Variants in PTN observed in about 807,000 individuals in gnomAD.
The protein encoded by PTN is pleiotrophin, also known as heparin affin regulatory protein.
In PTN, 18 loss-of-function variants were observed where a neutral mutation model predicts 24.1. The ratio of observed to expected loss-of-function variants is 0.75; its 90% CI spans 0.52 to 1.11. PTN has a LOEUF of 1.11. Ranked by LOEUF, PTN falls within the 50% of genes least tolerant of loss-of-function variation. PTN has a pLI of 0.00. For missense variants in PTN, 163 were observed against 198.8 expected (o/e 0.82, Z 1.08); for synonymous variants, 78 against 68.6 (o/e 1.14, Z -0.67).
intron 1 of PTN, among the ~76,000 whole-genome samples, chr7:137,266,996 G>A (rs34033911): frequency 1.3e-5 from 2 of 150,726 alleles, no homozygotes; most frequent in East Asian, 2.0e-4. Flanking sequence ...TTCCGGATAC[G>A]CCCTTGTTTA....
chr7:137,265,918 G>A (rs1809135170), intron 1 of PTN, among the ~76,000 whole-genome samples: 1 of 151,838 alleles, frequency 6.6e-6, no homozygotes. Context: ...TTAGTTTTTA[G>A]ACCAAAGAAA....
intron 1 of PTN, among the ~76,000 whole-genome samples, chr7:137,275,444 G>T (rs1331224263): frequency 6.6e-6 from 1 of 152,146 alleles, no homozygotes; most frequent in Non-Finnish European, 1.5e-5. Flanking sequence ...GGGAGATACA[G>T]ATGGGAATTA....
intron 1 of PTN, among the ~76,000 whole-genome samples, chr7:137,282,198 T>C (rs747993571): frequency 1.3e-5 from 2 of 152,232 alleles, no homozygotes; most frequent in Admixed American, 6.5e-5. Context: ...GTCATAACAT[T>C]AACTGTGTGG....
intron 1 of PTN, among the ~76,000 whole-genome samples, chr7:137,339,749 G>A (rs1320277957): frequency 2.0e-5 from 3 of 152,034 alleles, no homozygotes; most frequent in Admixed American, 6.6e-5. Flanking sequence ...TGGGCAAGAC[G>A]TTCTGGGACC....
At chr7:137,342,527 C>G (rs970244814) in intron 1 of PTN, among the ~76,000 whole-genome samples, 3 of 150,558 alleles carry the variant, frequency 2.0e-5, no homozygotes, top group African/African-American at 7.4e-5. Flanking sequence ...GTGTGTGTTC[C>G]TGTGTGTGTG....
chr7:137,298,207 C>T (rs1344141288), intron 1 of PTN, among the ~76,000 whole-genome samples: 1 of 151,930 alleles, frequency 6.6e-6, no homozygotes, highest in African/African-American at 2.4e-5. Flanking sequence ...TTGTGTTAAT[C>T]CAAATTTTGA....
In PTN at chr7:137,251,355, C is replaced by T. The variant is rs1808823631; in HGVS notation, c.326G>A (p.Cys109Tyr). ...GGTCTTCAGGGCTGTGTTCAGGTCA[C>T]ATTCTCCCCAGGCCTGGAACTGGTA... ...CKYQFQAWGE[C>Y]DLNTALKTRT... The change falls in exon 4 of 5, where the codon TGT (cysteine) becomes TAT (tyrosine). Residue 109 changes from cysteine (C) to tyrosine (Y), a missense_variant. Physicochemically the swap from Cys to Tyr is radical, Grantham distance 194. Coordinates refer to ENST00000348225, the MANE Select transcript of PTN (RefSeq NM_002825.7). 6.2e-7 allele frequency: 1 copy of T among 1,614,148 alleles called. No individual in the cohort carries two copies. Among genetic ancestry groups the T allele is most frequent in the Non-Finnish European group, 8.5e-7 (1 of 1,180,014 alleles).
chr7:137,313,120 C>T (rs1022813772), intron 1 of PTN, among the ~76,000 whole-genome samples: 15 of 152,010 alleles, frequency 9.9e-5, no homozygotes, highest in African/African-American at 3.6e-4. Flanking sequence ...CTCCTGGCAG[C>T]CCTCACTCCC....
At chr7:137,228,551 C>A (rs776486881) in intron 4 of PTN, among the ~76,000 whole-genome samples, 4 of 151,636 alleles carry the variant, frequency 2.6e-5, no homozygotes, top group Non-Finnish European at 4.4e-5. Context: ...TCTGAGCAAA[C>A]AATTGCAAAG....
intron 4 of PTN, among the ~76,000 whole-genome samples, chr7:137,241,689 G>A (rs545141783): frequency 6.6e-6 from 1 of 152,246 alleles, no homozygotes; most frequent in South Asian, 2.1e-4. Context: ...CCCACTTCTA[G>A]TACGGTATCA....
intron 1 of PTN, among the ~76,000 whole-genome samples, chr7:137,295,811 A>G (rs1413332263): frequency 1.3e-5 from 2 of 152,010 alleles, no homozygotes; most frequent in East Asian, 3.9e-4. Flanking sequence ...GCCAATAAGT[A>G]TGTTAAATGG....
intron 1 of PTN, among the ~76,000 whole-genome samples, chr7:137,266,236 C>T (rs1266293456): frequency 1.3e-5 from 2 of 152,128 alleles, no homozygotes; most frequent in Non-Finnish European, 2.9e-5. Flanking sequence ...TGTTTACACA[C>T]AGAATTTTCT....
chr7:137,295,114 A>G (rs1050314494), intron 1 of PTN, among the ~76,000 whole-genome samples: 1 of 152,136 alleles, frequency 6.6e-6, no homozygotes, highest in Non-Finnish European at 1.5e-5. Flanking sequence ...GAAATGTACT[A>G]TAAGTGTGAA....
rs1163490970 is a variant in PTN at position 137,227,970 on chromosome 7, A to G, written c.*50T>C. On this transcript the variant is annotated 3_prime_UTR_variant, in exon 5 of 5. Coordinates refer to ENST00000348225, the MANE Select transcript of PTN (RefSeq NM_002825.7). Reference sequence around the variant, plus strand: ...TACGGTACATATAAATGCAATAGTTAACTGATCCTGTTTGCTGATGTCCTT... The same window carrying G: ...TACGGTACATATAAATGCAATAGTTGACTGATCCTGTTTGCTGATGTCCTT... The G allele has an allele frequency of 5.0e-6, 8 of 1,597,638 alleles. No homozygotes were observed. Among genetic ancestry groups the G allele is most frequent in the Non-Finnish European group, 6.8e-6 (8 of 1,173,700 alleles).
In PTN at chr7:137,228,204, G is replaced by A. The variant is rs1808367100; in HGVS notation, c.452-129C>T. 1.3e-5 allele frequency: 8 copies of A among 637,490 alleles called. 1 individual carries two copies. In the South Asian group the frequency reaches 1.5e-4, roughly 12 times the overall value. 39.5% of individuals were successfully genotyped at this position (637,490 alleles called of 1,614,324 possible). ...ATACACAAGTTGTTTGCTCTTGGTAGTTCTCTTGGTAAACTGAGAAAACAC... is the reference window on the plus strand; with the variant it reads ...ATACACAAGTTGTTTGCTCTTGGTAATTCTCTTGGTAAACTGAGAAAACAC... On this transcript the variant is annotated intron_variant, in intron 4 of 4. Transcript: ENST00000348225.
chr7:137,284,482 T>C (rs1809523863), intron 1 of PTN, among the ~76,000 whole-genome samples: 2 of 152,116 alleles, frequency 1.3e-5, no homozygotes, highest in South Asian at 4.1e-4. Context: ...AAAACTACCA[T>C]GGAAATTTAT....
intron 1 of PTN, among the ~76,000 whole-genome samples, chr7:137,285,535 G>T (rs561244023): frequency 1.3e-5 from 2 of 152,158 alleles, no homozygotes; most frequent in Non-Finnish European, 2.9e-5. Context: ...ACATGGTGGC[G>T]TGTGCCTGTA....
intron 1 of PTN, among the ~76,000 whole-genome samples, chr7:137,328,757 T>C (rs1469512818): frequency 6.6e-6 from 1 of 152,092 alleles, no homozygotes; most frequent in Non-Finnish European, 1.5e-5. Flanking sequence ...CAACTGGTGT[T>C]TGAGAAAACA....
chr7:137,239,454 G>A (rs899298659), intron 4 of PTN, among the ~76,000 whole-genome samples: 2 of 151,380 alleles, frequency 1.3e-5, no homozygotes, highest in African/African-American at 4.9e-5. Context: ...CAATGTGCAG[G>A]TTAGTTACAC....
Sources: allele counts gnomAD v4.1 joint callset (sites outside exome capture counted in the v4.1 genomes callset), GRCh38; gene constraint gnomAD v4.1.1; transcripts MANE v1.5; gene names NCBI Gene and HGNC (gene_info 2026-07-23, HGNC 2026-07-21).